Variants in KIRREL3 observed in about 807,000 individuals in gnomAD.
The protein encoded by KIRREL3 is kin of IRRE-like protein 3.
KIRREL3 carries 36 observed loss-of-function variants against 89.7 expected under a neutral mutation model. The ratio of observed to expected loss-of-function variants is 0.40; its 90% CI spans 0.31 to 0.53. KIRREL3 has a LOEUF of 0.53. Among genes scored for constraint, KIRREL3 ranks in the 20% least tolerant of loss-of-function variants. The pLI is 0.49. For synonymous variants in KIRREL3, 445 were observed against 441.4 expected (o/e 1.01, Z -0.10); for missense variants, 864 against 1,056.6 (o/e 0.82, Z 2.53).
At chr11:126,949,533 G>A (rs1948717842) in intron 1 of KIRREL3, among the ~76,000 whole-genome samples, 1 of 152,186 alleles carries the variant, frequency 6.6e-6, no homozygotes, top group Admixed American at 6.5e-5. Flanking sequence ...AGGCTGCTAA[G>A]CTTTTTGCCT....
rs1369429773 is a variant in KIRREL3, at chr11:126,782,315, A to AT, written c.55+218139dup. ...TAATGCTTTGTTGTGCTAAGCTGAG[A>AT]TTTTTTGATGTTTATTTGTTCCTGC... On this transcript the variant is annotated intron_variant, in intron 1 of 16. Transcript: ENST00000525144. The surrounding 1 kb of genome is among the most constrained non-coding windows in gnomAD (Gnocchi z 4.1). Among the ~76,000 whole-genome samples, 3 of 152,298 alleles carry AT rather than the reference A, an allele frequency of 2.0e-5. No individual in the cohort carries two copies. The highest frequency in any genetic ancestry group is 7.2e-5 in the African/African-American group (3 of 41,562).
chr11:126,741,395 C>T (rs2134220015), intron 1 of KIRREL3, among the ~76,000 whole-genome samples: 1 of 152,294 alleles, frequency 6.6e-6, no homozygotes, highest in South Asian at 2.1e-4. Flanking sequence ...CCCGTGGGGC[C>T]AGCACAATGA....
At chr11:126,661,614 A>G (rs888349843) in intron 1 of KIRREL3, among the ~76,000 whole-genome samples, 1 of 152,214 alleles carries the variant, frequency 6.6e-6, no homozygotes, top group Non-Finnish European at 1.5e-5. Context: ...TAAACTGTGA[A>G]GATTTCCAGG....
rs547456672 is a variant in KIRREL3 at position 126,830,641 on chromosome 11, G to T, written c.55+169814C>A. On this transcript the variant is annotated intron_variant, in intron 1 of 16. Coordinates refer to ENST00000525144, the MANE Select transcript of KIRREL3 (RefSeq NM_032531.4). This position sits in a 1 kb window ranked among gnomAD's most constrained non-coding sequence, Gnocchi z 4.9. ...AGCCAGCTAAGCAGGGATTGGACAG[G>T]CAGGCACTTAGGAAGGTGTTCGTGC... Among the ~76,000 whole-genome samples, 1 of 152,298 alleles carries T rather than the reference G, an allele frequency of 6.6e-6. No individual in the cohort carries two copies. The highest frequency in any genetic ancestry group is 1.9e-4 in the East Asian group (1 of 5,178).
In KIRREL3 at chr11:126,454,367, G is replaced by A. The variant is rs1296970725; in HGVS notation, c.848+1982C>T. 3.9e-5 allele frequency among the ~76,000 whole-genome samples: 6 copies of A among 152,142 alleles called. No individual in the cohort carries two copies. The highest frequency in any genetic ancestry group is 1.4e-4 in the African/African-American group (6 of 41,428). ...AGCCTACCCATCACTAGGACCCCAG[G>A]TGACCAGAGCCTGGCAGTGAGGAGA... On this transcript the variant is annotated intron_variant, in intron 7 of 16. Coordinates refer to ENST00000525144, the MANE Select transcript of KIRREL3 (RefSeq NM_032531.4). The surrounding 1 kb of genome is among the most constrained non-coding windows in gnomAD (Gnocchi z 5.8).
At chr11:126,499,085 G>A (rs1426929336) in intron 4 of KIRREL3, among the ~76,000 whole-genome samples, 1 of 148,302 alleles carries the variant, frequency 6.7e-6, no homozygotes, top group Non-Finnish European at 1.5e-5. Flanking sequence ...CTGGGAGACG[G>A]AAGTTGCAGT....
intron 1 of KIRREL3, among the ~76,000 whole-genome samples, chr11:126,720,891 G>T (rs1948144882): frequency 6.6e-6 from 1 of 152,166 alleles, no homozygotes; most frequent in African/African-American, 2.4e-5. Context: ...GCAGAGAGCA[G>T]GAAGATCTGG....
In KIRREL3 at chr11:126,622,988, C is replaced by G. The variant is rs757129544; in HGVS notation, c.56-60076G>C. ...GTCACACAGCTAGAGAGTGGTAGAC[C>G]GAGAATTCAAACCCAGGCAATCTGA... On this transcript the variant is annotated intron_variant, in intron 1 of 16. Transcript: ENST00000525144. The surrounding 1 kb of genome is among the most constrained non-coding windows in gnomAD (Gnocchi z 5.2). 6.6e-6 allele frequency among the ~76,000 whole-genome samples: 1 copy of G among 152,032 alleles called. No homozygotes were observed. The highest frequency in any genetic ancestry group is 1.5e-5 in the Non-Finnish European group (1 of 68,004).
rs1450945629 is a variant in KIRREL3, at chr11:126,668,030, A to G, written c.56-105118T>C. ...AGCTGGGAATCTTCTGTGTCTGAACAATTTCAGCCCCTCATAAGGGGTTGA... is the reference window on the plus strand; with the variant it reads ...AGCTGGGAATCTTCTGTGTCTGAACGATTTCAGCCCCTCATAAGGGGTTGA... On this transcript the variant is annotated intron_variant, in intron 1 of 16. Transcript: ENST00000525144. The surrounding 1 kb of genome is among the most constrained non-coding windows in gnomAD (Gnocchi z 4.4). 6.6e-6 allele frequency among the ~76,000 whole-genome samples: 1 copy of G among 152,206 alleles called. No homozygotes were observed. The highest frequency in any genetic ancestry group is 1.9e-4 in the East Asian group (1 of 5,196).
chr11:126,471,217 A>G lies in KIRREL3; in HGVS notation c.591+2092T>C, dbSNP rs995815237. Among the ~76,000 whole-genome samples, 3 of 151,992 alleles carry G rather than the reference A, an allele frequency of 2.0e-5. No individual in the cohort carries two copies. Among genetic ancestry groups the G allele is most frequent in the Non-Finnish European group, 4.4e-5 (3 of 67,998 alleles). On this transcript the variant is annotated intron_variant, in intron 5 of 16. Coordinates refer to ENST00000525144, the MANE Select transcript of KIRREL3 (RefSeq NM_032531.4). The surrounding 1 kb of genome is among the most constrained non-coding windows in gnomAD (Gnocchi z 5.4). ...TTTTAAAAATACAAAAAAAGAAAAA[A>G]AAATTAGCTGGGCATGATGGCACAC...
chr11:126,621,162 T>G (rs1009101553), intron 1 of KIRREL3, among the ~76,000 whole-genome samples: 1 of 152,266 alleles, frequency 6.6e-6, no homozygotes, highest in Non-Finnish European at 1.5e-5. Context: ...TGTTAATTAC[T>G]GCTAAGATGT....
intron 8 of KIRREL3, among the ~76,000 whole-genome samples, chr11:126,448,384 C>G (rs932821175): frequency 6.6e-6 from 1 of 152,022 alleles, no homozygotes; most frequent in African/African-American, 2.4e-5. Flanking sequence ...TGGATTTGGT[C>G]ATTGCCTGGG....
At position 126,740,618 on chromosome 11, in the gene KIRREL3, G is replaced by C. The variant is rs574649883; in HGVS notation, c.56-177706C>G. On this transcript the variant is annotated intron_variant, in intron 1 of 16. Coordinates refer to ENST00000525144, the MANE Select transcript of KIRREL3 (RefSeq NM_032531.4). The surrounding 1 kb of genome is among the most constrained non-coding windows in gnomAD (Gnocchi z 6.0). ...TTGTCTTGAGAGGGAAGGCCAATAA[G>C]ATAATAATCCCTTAGCTTGACTGTG... 2.0e-5 allele frequency among the ~76,000 whole-genome samples: 3 copies of C among 152,200 alleles called. No individual in the cohort carries two copies. The highest frequency in any genetic ancestry group is 7.2e-5 in the African/African-American group (3 of 41,524).
chr11:126,480,798 C>A (rs767277484), intron 4 of KIRREL3, among the ~76,000 whole-genome samples: 1 of 152,302 alleles, frequency 6.6e-6, no homozygotes, highest in South Asian at 2.1e-4. Flanking sequence ...GCTAAGGGAA[C>A]GGACGAATGT....
chr11:126,928,561 C>G (rs1046198033), intron 1 of KIRREL3, among the ~76,000 whole-genome samples: 1 of 152,138 alleles, frequency 6.6e-6, no homozygotes, highest in African/African-American at 2.4e-5. Context: ...AAGCCTGGGA[C>G]CCCGACGTGG....
In KIRREL3 at chr11:126,614,762, T is replaced by A. The variant is rs974798123; in HGVS notation, c.56-51850A>T. 5.3e-5 allele frequency among the ~76,000 whole-genome samples: 8 copies of A among 152,166 alleles called. No homozygotes were observed. The highest frequency in any genetic ancestry group is 1.9e-4 in the African/African-American group (8 of 41,440). ...ATTCTGTGCTGGGGTTCGAGGTGTC[T>A]CCGCTGGGAGACTCTGGGGAGATCC... On this transcript the variant is annotated intron_variant, in intron 1 of 16. Transcript: ENST00000525144. This position sits in a 1 kb window ranked among gnomAD's most constrained non-coding sequence, Gnocchi z 4.6.
At position 126,552,550 on chromosome 11, in the gene KIRREL3, G is replaced by GTTTTTTTTTTT. The variant is rs59392843; in HGVS notation, c.133+10274_133+10284dup. On this transcript the variant is annotated intron_variant, in intron 2 of 16. Coordinates refer to ENST00000525144, the MANE Select transcript of KIRREL3 (RefSeq NM_032531.4). ...TGCATCACACAGGGGAGAGAGAAAA[G>GTTTTTTTTTTT]TTTTTTTTTTTTTTTTTTTTTTTTT... 5.5e-4 allele frequency among the ~76,000 whole-genome samples: 45 copies of GTTTTTTTTTTT among 81,764 alleles called. 5 individuals are homozygous for GTTTTTTTTTTT. Among genetic ancestry groups the GTTTTTTTTTTT allele is most frequent in the Non-Finnish European group, 6.5e-4 (28 of 43,006 alleles). The allele number at this position is 81,764 out of a possible 152,430, so 53.6% of individuals were successfully genotyped here.
Position 126,995,739 on chromosome 11 carries a change from G to C in KIRREL3, c.55+4716C>G, listed in dbSNP as rs546803780. Among the ~76,000 whole-genome samples the C allele has an allele frequency of 2.6e-5, 4 of 152,084 alleles. No individual in the cohort carries two copies. Among genetic ancestry groups the C allele is most frequent in the Admixed American group, 2.6e-4 (4 of 15,272 alleles). ...TTTGCTATTGAAATCTCTTCAATTCGCTCTGGATTATTCATGTGCTTTTTT... is the reference window on the plus strand; with the variant it reads ...TTTGCTATTGAAATCTCTTCAATTCCCTCTGGATTATTCATGTGCTTTTTT... On this transcript the variant is annotated intron_variant, in intron 1 of 16. Transcript: ENST00000525144. This position sits in a 1 kb window ranked among gnomAD's most constrained non-coding sequence, Gnocchi z 6.5.
upstream of KIRREL3, chr11:127,003,299 G>T (rs576263356): frequency 4.6e-5 from 7 of 152,390 alleles, 1 homozygote; most frequent in South Asian, 1.2e-3. Context: ...CAGCCTCGAC[G>T]GCGGCCCCGC....
Sources: gnomAD v4.1 joint callset for allele counts (sites outside exome capture counted in the v4.1 genomes callset) on GRCh38, gnomAD v4.1.1 for gene constraint, Gnocchi (gnomAD v3.1) non-coding constraint, MANE v1.5 for transcripts, NCBI Gene and HGNC (gene_info 2026-07-23, HGNC 2026-07-21) for gene names.